Variants in ABL1 observed in about 807,000 individuals in gnomAD.
ABL1 encodes the protein tyrosine-protein kinase ABL1.
A neutral mutation model predicts 94.7 loss-of-function variants in ABL1; 11 were observed. That is an observed-to-expected ratio of 0.12 (90% CI 0.07 to 0.19). The LOEUF is 0.19. Among genes scored for constraint, ABL1 ranks in the 10% least tolerant of loss-of-function variants. The pLI is 1.00. For missense variants in ABL1, 1,082 were observed against 1,489.4 expected (o/e 0.73, Z 4.50); for synonymous variants, 656 against 622.4 (o/e 1.05, Z -0.80).
At chr9:130,883,570 G>A (rs893787265) in intron 10 of ABL1, among the ~76,000 whole-genome samples, 1 of 151,684 alleles carries the variant, frequency 6.6e-6, no homozygotes, top group South Asian at 2.1e-4. Context: ...GACGGCCCTG[G>A]CCTCTTCATC....
At chr9:130,715,974 A>G (rs1466184213) in intron 1 of ABL1, among the ~76,000 whole-genome samples, 1 of 150,786 alleles carries the variant, frequency 6.6e-6, no homozygotes, top group Admixed American at 6.7e-5. Context: ...ACTTGTAGTC[A>G]TTGCATTCTT....
At chr9:130,735,917 G>A (rs1831729967) in intron 1 of ABL1, among the ~76,000 whole-genome samples, 1 of 136,320 alleles carries the variant, frequency 7.3e-6, no homozygotes, top group Non-Finnish European at 1.5e-5. Flanking sequence ...GTATATGTGT[G>A]TGTATGCATG....
At chr9:130,735,961 A>ATATT (rs573602038) in intron 1 of ABL1, among the ~76,000 whole-genome samples, 3,688 of 94,488 alleles carry the variant, frequency 0.039, 136 homozygotes, top group East Asian at 0.092. Context: ...ATATATATAT[A>ATATT]TTTTTTTTTT....
chr9:130,854,715 T>G (rs1830945973), intron 2 of ABL1, 86 bp from the exon 3 acceptor site: 13 of 1,387,388 alleles, frequency 9.4e-6, no homozygotes, highest in Non-Finnish European at 1.1e-5. Context: ...AATTTGGAGA[T>G]TTTTAGTAGT....
chr9:130,883,389 T>TGGGA (rs1182343370), intron 10 of ABL1, among the ~76,000 whole-genome samples: 1 of 151,226 alleles, frequency 6.6e-6, no homozygotes, highest in Non-Finnish European at 1.5e-5. Flanking sequence ...CCTAGCTACT[T>TGGGA]GGGAGGCTGA....
chr9:130,876,405 C>CTTT (rs1831342823), intron 7 of ABL1, among the ~76,000 whole-genome samples: 1 of 128,138 alleles, frequency 7.8e-6, no homozygotes, highest in South Asian at 2.2e-4. Context: ...TAACAAATTA[C>CTTT]TTTTTCTTTT....
chr9:130,721,709 C>CAAAAT (rs1022020934), intron 1 of ABL1, among the ~76,000 whole-genome samples: 3 of 149,362 alleles, frequency 2.0e-5, no homozygotes, highest in African/African-American at 7.4e-5. Context: ...GACCCTGTCT[C>CAAAAT]AAAATAAAAT....
intron 1 of ABL1, among the ~76,000 whole-genome samples, chr9:130,752,819 C>T (rs1831982851): frequency 6.6e-6 from 1 of 151,962 alleles, no homozygotes; most frequent in Non-Finnish European, 1.5e-5. Flanking sequence ...AATAGCTGAA[C>T]GTGGTGGCGA....
At position 130,750,435 on chromosome 9, in the gene ABL1, C is replaced by T. The variant is rs1038313364; in HGVS notation, c.136+35980C>T. ...TCCCTCCCTCCCTCCCTCCCTCCCTCCCTCCCTCCCTCCTTTCCTCACTCC... is the reference window on the plus strand; with the variant it reads ...TCCCTCCCTCCCTCCCTCCCTCCCTTCCTCCCTCCCTCCTTTCCTCACTCC... On this transcript the variant is annotated intron_variant, in intron 1 of 10. Transcript: ENST00000372348. 3.4e-3 allele frequency among the ~76,000 whole-genome samples: 85 copies of T among 24,852 alleles called. 1 individual carries two copies. Among genetic ancestry groups the T allele is most frequent in the East Asian group, 0.014 (5 of 354 alleles). The allele number at this position is 24,852 out of a possible 152,430, so 16.3% of individuals were successfully genotyped here.
At chr9:130,729,250 A>G (rs1269851314) in intron 1 of ABL1, among the ~76,000 whole-genome samples, 1 of 151,864 alleles carries the variant, frequency 6.6e-6, no homozygotes, top group East Asian at 1.9e-4. Flanking sequence ...GCACTGTGAA[A>G]CCTCTGTGTC....
chr9:130,792,479 A>G (rs1017525765), intron 1 of ABL1, among the ~76,000 whole-genome samples: 1 of 151,774 alleles, frequency 6.6e-6, no homozygotes, highest in Non-Finnish European at 1.5e-5. Context: ...TAGTGGTCCT[A>G]TGAGTCCTTC....
chr9:130,879,046 T>G (rs1324399278), intron 8 of ABL1, among the ~76,000 whole-genome samples: 1 of 151,874 alleles, frequency 6.6e-6, no homozygotes, highest in East Asian at 1.9e-4. Context: ...CCCGGCTAAT[T>G]TTGTATTTTT....
chr9:130,771,752 C>CTTTCTTTCTTTCT (rs530081755), intron 1 of ABL1, among the ~76,000 whole-genome samples: 43 of 106,912 alleles, frequency 4.0e-4, no homozygotes, highest in African/African-American at 1.4e-3. Flanking sequence ...TTCTTTCTTT[C>CTTTCTTTCTTTCT]TTTTTTTTTT....
intron 1 of ABL1, among the ~76,000 whole-genome samples, chr9:130,760,396 A>G (rs1047905943): frequency 1.3e-5 from 2 of 152,216 alleles, no homozygotes; most frequent in Non-Finnish European, 2.9e-5. Flanking sequence ...GATTGAAACA[A>G]GAAATCTGTT....
At chr9:130,714,309 A>G (rs2132661518) in exon 1 of ABL1, 1 of 1,590,770 alleles carries the variant, frequency 6.3e-7, no homozygotes, top group East Asian at 2.2e-5. Flanking sequence ...AGGGGTACCT[A>G]TTATTACTTT....
intron 1 of ABL1, among the ~76,000 whole-genome samples, chr9:130,829,784 A>C (rs1490296022): frequency 2.0e-5 from 3 of 152,230 alleles, no homozygotes; most frequent in African/African-American, 4.8e-5. Context: ...GCAGTGAAGA[A>C]TATTTATATC....
upstream of ABL1, among the ~76,000 whole-genome samples, chr9:130,832,224 A>G (rs1326902852): frequency 6.6e-6 from 1 of 151,052 alleles, no homozygotes; most frequent in African/African-American, 2.4e-5. Context: ...CCCAGGTTCA[A>G]GCAATTCTCT....
intron 1 of ABL1, among the ~76,000 whole-genome samples, chr9:130,762,645 C>T (rs541279956): frequency 6.6e-6 from 1 of 152,208 alleles, no homozygotes; most frequent in East Asian, 1.9e-4. Context: ...GGCGTGGTGG[C>T]TCACACCTGT....
At chr9:130,757,100 G>C (rs934464313) in intron 1 of ABL1, among the ~76,000 whole-genome samples, 2 of 152,186 alleles carry the variant, frequency 1.3e-5, no homozygotes, top group Admixed American at 1.3e-4. Flanking sequence ...TGCTTTATAA[G>C]TGAAGAACCT....
Sources: gnomAD v4.1 joint callset for allele counts (sites outside exome capture counted in the v4.1 genomes callset) on GRCh38, gnomAD v4.1.1 for gene constraint, MANE v1.5 for transcripts, NCBI Gene and HGNC (gene_info 2026-07-23, HGNC 2026-07-21) for gene names.